RIT2: variants seen among roughly 807,000 people sequenced by gnomAD.
RIT2 encodes the protein GTP-binding protein Rit2.
A neutral mutation model predicts 23.7 loss-of-function variants in RIT2; 24 were observed. That is an observed-to-expected ratio of 1.01 (90% confidence interval 0.73 to 1.43). The LOEUF (loss-of-function observed/expected upper bound fraction) is 1.43, where lower values mean the gene tolerates loss of function less well. Ranked by LOEUF, RIT2 falls within the 40% of genes most tolerant of loss-of-function variation. RIT2 has a pLI of 0.00. For missense variants in RIT2, 236 were observed against 266.9 expected (o/e 0.88, Z 0.81); for synonymous variants, 107 against 91.1 (o/e 1.17, Z -0.99).
At chr18:43,051,573 G>A (rs902858956) in intron 1 of RIT2, among the ~76,000 whole-genome samples, 7 of 151,980 alleles carry the variant, frequency 4.6e-5, no homozygotes, top group Non-Finnish European at 7.4e-5. Context: ...TCTAGAGATC[G>A]GGAGATGATC....
At chr18:43,021,437 A>C (rs1042106558) in intron 2 of RIT2, among the ~76,000 whole-genome samples, 1 of 152,088 alleles carries the variant, frequency 6.6e-6, no homozygotes, top group Non-Finnish European at 1.5e-5. Flanking sequence ...GATGGTGAAA[A>C]TGTAAATTAG....
At chr18:42,761,248 C>T (rs1913295252) in intron 4 of RIT2, among the ~76,000 whole-genome samples, 1 of 152,096 alleles carries the variant, frequency 6.6e-6, no homozygotes, top group South Asian at 2.1e-4. Context: ...TTTGTAACTT[C>T]ACTAGTCAAT....
At chr18:42,770,395 G>A (rs1441770299) in intron 4 of RIT2, among the ~76,000 whole-genome samples, 1 of 152,190 alleles carries the variant, frequency 6.6e-6, no homozygotes, top group African/African-American at 2.4e-5. Flanking sequence ...AGTTTCTGCA[G>A]TGAGAGAAAG....
chr18:42,995,629 G>T (rs1016033143), intron 2 of RIT2, among the ~76,000 whole-genome samples: 3 of 152,088 alleles, frequency 2.0e-5, no homozygotes, highest in Admixed American at 6.6e-5. Context: ...ACGGACTAAT[G>T]GTCTTTTAAA....
At chr18:42,914,951 C>T (rs1908866621) in intron 4 of RIT2, among the ~76,000 whole-genome samples, 1 of 151,178 alleles carries the variant, frequency 6.6e-6, no homozygotes. Flanking sequence ...TCTAAATAAA[C>T]AATTTGTAAA....
intron 1 of RIT2, among the ~76,000 whole-genome samples, chr18:43,082,662 T>C (rs1913184438): frequency 6.6e-6 from 1 of 151,378 alleles, no homozygotes; most frequent in African/African-American, 2.4e-5. Flanking sequence ...GAAAAGGCTT[T>C]CGATAAAATT....
intron 1 of RIT2, 119 bp downstream of exon 1, chr18:43,115,298 T>C (rs1914042240): frequency 9.3e-6 from 12 of 1,287,568 alleles, no homozygotes; most frequent in Non-Finnish European, 1.3e-5. Context: ...AGACCCATAC[T>C]CTGTGTTTAA....
intron 2 of RIT2, among the ~76,000 whole-genome samples, chr18:43,028,595 T>C (rs1911785333): frequency 6.6e-6 from 1 of 152,040 alleles, no homozygotes; most frequent in African/African-American, 2.4e-5. Flanking sequence ...TCAAGTTTAG[T>C]TTATAGGCCT....
intron 3 of RIT2, among the ~76,000 whole-genome samples, chr18:42,963,616 G>A (rs1056750827): frequency 1.3e-5 from 2 of 152,186 alleles, no homozygotes; most frequent in Non-Finnish European, 2.9e-5. Flanking sequence ...ATCCTGGCCG[G>A]GCTTGGTGGC....
intron 2 of RIT2, among the ~76,000 whole-genome samples, chr18:43,004,350 T>C (rs1911178851): frequency 6.6e-6 from 1 of 151,996 alleles, no homozygotes; most frequent in East Asian, 1.9e-4. Context: ...GTTTAGCTCA[T>C]TCAGAACTGA....
chr18:43,019,423 A>G (rs1258744164), intron 2 of RIT2, among the ~76,000 whole-genome samples: 1 of 152,030 alleles, frequency 6.6e-6, no homozygotes, highest in Non-Finnish European at 1.5e-5. Flanking sequence ...TTGACAGCAT[A>G]AAGGAGAAAA....
chr18:42,801,491 C>T (rs1188129330), intron 4 of RIT2, among the ~76,000 whole-genome samples: 1 of 152,160 alleles, frequency 6.6e-6, no homozygotes, highest in Non-Finnish European at 1.5e-5. Context: ...AGAACACTGA[C>T]AACATCTGGG....
intron 1 of RIT2, among the ~76,000 whole-genome samples, chr18:43,046,764 A>T (rs1405019092): frequency 3.3e-5 from 5 of 152,214 alleles, no homozygotes; most frequent in African/African-American, 7.2e-5. Context: ...TATGTACTCA[A>T]CCAAAACAAC....
At chr18:43,095,018 A>T (rs1287290097) in intron 1 of RIT2, among the ~76,000 whole-genome samples, 1 of 152,110 alleles carries the variant, frequency 6.6e-6, no homozygotes, top group Non-Finnish European at 1.5e-5. Context: ...GCTGCAATAA[A>T]CATACGTGTG....
chr18:42,815,092 A>G (rs1905957636), intron 4 of RIT2, among the ~76,000 whole-genome samples: 1 of 152,196 alleles, frequency 6.6e-6, no homozygotes, highest in Admixed American at 6.5e-5. Flanking sequence ...AACCAACTCT[A>G]GTAATATGGC....
intron 4 of RIT2, among the ~76,000 whole-genome samples, chr18:42,776,494 A>G (rs1008023495): frequency 9.2e-5 from 14 of 152,208 alleles, no homozygotes; most frequent in African/African-American, 3.4e-4. Context: ...AATTATACCA[A>G]AAAAGTAAAA....
intron 1 of RIT2, among the ~76,000 whole-genome samples, chr18:43,045,037 AAAG>A (rs1008017267): frequency 6.6e-6 from 1 of 152,228 alleles, no homozygotes; most frequent in African/African-American, 2.4e-5. Context: ...GAACTTAAAC[AAAG>A]AAGAAAAATA....
At chr18:43,064,037 C>A (rs1390944411) in intron 1 of RIT2, among the ~76,000 whole-genome samples, 6 of 152,154 alleles carry the variant, frequency 3.9e-5, no homozygotes, top group Non-Finnish European at 8.8e-5. Flanking sequence ...AGAAGTTCAG[C>A]AGTGGCAATA....
At chr18:43,029,566 CAAAA>C (rs942524165) in intron 2 of RIT2, among the ~76,000 whole-genome samples, 2 of 150,278 alleles carry the variant, frequency 1.3e-5, no homozygotes, top group African/African-American at 4.9e-5. Context: ...TGCAATGAGA[CAAAA>C]AAAAGAAAAA....
Sources: allele counts gnomAD v4.1 joint callset (sites outside exome capture counted in the v4.1 genomes callset), GRCh38; gene constraint gnomAD v4.1.1; transcripts MANE v1.5; gene names NCBI Gene and HGNC (gene_info 2026-07-23, HGNC 2026-07-21).